TENM4: variants seen among roughly 807,000 people sequenced by gnomAD.
TENM4 encodes teneurin-4.
In TENM4, 82 loss-of-function variants were observed where a neutral mutation model predicts 243.3. The ratio of observed to expected loss-of-function variants is 0.34; its 90% CI spans 0.28 to 0.40. The LOEUF is 0.40. Ranked by LOEUF, TENM4 falls within the 10% of genes least tolerant of loss-of-function variation. The pLI, the probability that TENM4 is intolerant of heterozygous loss-of-function variation, is 1.00. For synonymous variants in TENM4, 1,412 were observed against 1,456.3 expected (o/e 0.97, Z 0.69); for missense variants, 3,138 against 3,673.3 (o/e 0.85, Z 3.77).
At chr11:79,102,636 G>T (rs571013300) in intron 4 of TENM4, among the ~76,000 whole-genome samples, 1 of 152,194 alleles carries the variant, frequency 6.6e-6, no homozygotes, top group African/African-American at 2.4e-5. Context: ...AAGCACCATG[G>T]TCATTGCTAT....
chr11:79,105,155 T>A (rs1331195959), intron 4 of TENM4, among the ~76,000 whole-genome samples: 1 of 152,108 alleles, frequency 6.6e-6, no homozygotes. Flanking sequence ...AAGGGTGAAA[T>A]CATTATTTTC....
At chr11:78,788,741 A>T (rs974379166) in intron 15 of TENM4, among the ~76,000 whole-genome samples, 6 of 152,212 alleles carry the variant, frequency 3.9e-5, no homozygotes, top group Admixed American at 2.6e-4. Context: ...GGTTTGTGAG[A>T]TCTATACCTG....
chr11:79,101,724 C>A (rs577345108), intron 4 of TENM4, among the ~76,000 whole-genome samples: 2 of 152,078 alleles, frequency 1.3e-5, no homozygotes, highest in African/African-American at 4.8e-5. Context: ...AACTGTGGGA[C>A]GACTATTACC....
At chr11:79,343,462 G>C (rs1056448120) in intron 1 of TENM4, among the ~76,000 whole-genome samples, 2 of 151,736 alleles carry the variant, frequency 1.3e-5, no homozygotes, top group Non-Finnish European at 2.9e-5. Flanking sequence ...TTATAAAATG[G>C]GTATGACAAA....
chr11:78,708,615 G>T, intron 26 of TENM4, 100 bp from the exon 27 acceptor site: 1 of 1,393,254 alleles, frequency 7.2e-7, no homozygotes, highest in Non-Finnish European at 9.7e-7. Context: ...TCCTCTACAT[G>T]ATTGGGTTTG....
rs1037643343 is a variant in TENM4 at position 79,137,048 on chromosome 11, G to A, written c.-66+11662C>T. Among the ~76,000 whole-genome samples the A allele has an allele frequency of 2.0e-5, 3 of 152,264 alleles. No homozygotes were observed. In the East Asian group the frequency reaches 5.8e-4, roughly 29 times the overall value. On this transcript the variant is annotated intron_variant, in intron 4 of 33. Coordinates refer to ENST00000278550, the MANE Select transcript of TENM4 (RefSeq NM_001098816.3). The stretch of plus-strand genomic sequence containing the variant: ...TGTTTCCAGGAATCAGGGGGTGGAA[G>A]TGGCACCACTCACCATTACCCCTGG...
intron 4 of TENM4, among the ~76,000 whole-genome samples, chr11:79,115,011 A>G (rs920386100): frequency 6.6e-6 from 1 of 152,212 alleles, no homozygotes; most frequent in Non-Finnish European, 1.5e-5. Flanking sequence ...TCCCTGCTAT[A>G]CTGAGCTTAA....
At chr11:79,420,726 A>G (rs1373652062) in intron 1 of TENM4, among the ~76,000 whole-genome samples, 2 of 152,130 alleles carry the variant, frequency 1.3e-5, no homozygotes, top group African/African-American at 4.8e-5. Context: ...TGAAAAGGAA[A>G]AAAGAAAAAA....
At chr11:79,367,664 C>T (rs1857702519) in intron 1 of TENM4, among the ~76,000 whole-genome samples, 1 of 152,160 alleles carries the variant, frequency 6.6e-6, no homozygotes, top group African/African-American at 2.4e-5. Flanking sequence ...TATGCTAATC[C>T]AATGTGTCAA....
intron 6 of TENM4, among the ~76,000 whole-genome samples, chr11:78,984,975 T>A (rs1247678633): frequency 1.3e-5 from 2 of 152,158 alleles, no homozygotes; most frequent in Non-Finnish European, 2.9e-5. Context: ...GCTGCTGTAG[T>A]GCTAGCATGT....
intron 1 of TENM4, among the ~76,000 whole-genome samples, chr11:79,349,657 C>A (rs1857382869): frequency 6.6e-6 from 1 of 152,032 alleles, no homozygotes; most frequent in Non-Finnish European, 1.5e-5. Flanking sequence ...CACCTACAGA[C>A]AATGTTTTCA....
At chr11:79,083,838 C>T (rs1860738805) in intron 4 of TENM4, among the ~76,000 whole-genome samples, 1 of 152,140 alleles carries the variant, frequency 6.6e-6, no homozygotes, top group Non-Finnish European at 1.5e-5. Context: ...TAAATGGAAC[C>T]TAACCAAAAT....
intron 2 of TENM4, among the ~76,000 whole-genome samples, chr11:79,227,290 T>A (rs555703401): frequency 2.6e-5 from 4 of 152,368 alleles, no homozygotes; most frequent in African/African-American, 9.6e-5. Context: ...CATTGGTTGC[T>A]GTCATTGGTG....
intron 9 of TENM4, among the ~76,000 whole-genome samples, chr11:78,876,992 A>G (rs1164411386): frequency 6.6e-6 from 1 of 152,208 alleles, no homozygotes; most frequent in African/African-American, 2.4e-5. Context: ...CTCTTGCTTA[A>G]TGCTCAAAAC....
intron 6 of TENM4, among the ~76,000 whole-genome samples, chr11:79,002,314 C>A (rs1858351163): frequency 6.6e-6 from 1 of 152,236 alleles, no homozygotes; most frequent in African/African-American, 2.4e-5. Context: ...CACATGGGTA[C>A]CCTGCCATGC....
intron 6 of TENM4, among the ~76,000 whole-genome samples, chr11:79,036,590 A>G (rs1038515074): frequency 6.6e-6 from 1 of 152,234 alleles, no homozygotes; most frequent in African/African-American, 2.4e-5. Context: ...CTAAGTGGGG[A>G]AAAAAGCCCA....
chr11:79,308,314 C>A (rs143878250), intron 1 of TENM4, among the ~76,000 whole-genome samples: 1 of 152,120 alleles, frequency 6.6e-6, no homozygotes, highest in African/African-American at 2.4e-5. Flanking sequence ...AAATAGCTAT[C>A]AAAATGTTAA....
intron 4 of TENM4, chr11:79,097,331 G>C (rs1308062132): frequency 1.3e-5 from 2 of 152,160 alleles, no homozygotes; most frequent in African/African-American, 4.8e-5. Flanking sequence ...GACAAAGTGG[G>C]GTTCTTTTTC....
At chr11:78,749,749 A>G (rs555571347) in intron 19 of TENM4, among the ~76,000 whole-genome samples, 1 of 152,276 alleles carries the variant, frequency 6.6e-6, no homozygotes, top group African/African-American at 2.4e-5. Flanking sequence ...GTGTGAATGG[A>G]ATTCTAAGAC....
Sources: allele counts gnomAD v4.1 joint callset (sites outside exome capture counted in the v4.1 genomes callset), GRCh38; gene constraint gnomAD v4.1.1; transcripts MANE v1.5; gene names NCBI Gene and HGNC (gene_info 2026-07-23, HGNC 2026-07-21).